SPATS1: variants seen among roughly 807,000 people sequenced by gnomAD.
SPATS1 encodes the protein spermatogenesis-associated serine-rich protein 1.
In SPATS1, 23 loss-of-function variants were observed where a neutral mutation model predicts 33.6. The observed-to-expected ratio is 0.68, with a 90% CI of 0.49 to 0.97. The LOEUF is 0.97. Among genes scored for constraint, SPATS1 ranks in the 50% least tolerant of loss-of-function variants. SPATS1 has a pLI of 0.00. For synonymous variants in SPATS1, 131 were observed against 125.6 expected (o/e 1.04, Z -0.29); for missense variants, 327 against 361.0 (o/e 0.91, Z 0.76).
chr6:44,342,869 C>T, intron 1 of SPATS1, 101 bp downstream of exon 1: 1 of 1,293,256 alleles, frequency 7.7e-7, no homozygotes, highest in Non-Finnish European at 1.1e-6. Context: ...TGGATGGGGG[C>T]TGCAGCGAGC....
intron 2 of SPATS1, among the ~76,000 whole-genome samples, chr6:44,346,989 G>T (rs1260624402): frequency 6.6e-6 from 1 of 152,168 alleles, no homozygotes; most frequent in Non-Finnish European, 1.5e-5. Context: ...GTCCATCAAT[G>T]ATAGACTGGA....
Position 44,361,835 on chromosome 6 carries a change from T to C in SPATS1, c.417T>C (p.Asp139=). 6.2e-7 allele frequency: 1 copy of C among 1,614,232 alleles called. No homozygotes were observed. The highest frequency in any genetic ancestry group is 8.5e-7 in the Non-Finnish European group (1 of 1,180,046). ...AGGCTTTCTGGTGTATTGCAGAAGA[T>C]GGGCATCGTCCTGAGTGGACATTTT... is the stretch of plus-strand genomic sequence containing the variant. ...EFSLLKLQTK[D]GHRPEWTFYP... Residue 139 remains aspartate (D), a synonymous_variant, in exon 5 of 9, where the codon GAT becomes GAC. Coordinates refer to ENST00000674044, the MANE Select transcript of SPATS1 (RefSeq NM_001372081.1).
intron 2 of SPATS1, among the ~76,000 whole-genome samples, chr6:44,344,062 A>T (rs1442379074): frequency 6.6e-6 from 1 of 152,182 alleles, no homozygotes; most frequent in African/African-American, 2.4e-5. Flanking sequence ...GAGCTGGAGG[A>T]GTTAGAGCTA....
At chr6:44,350,807 C>A (rs949555349) in intron 2 of SPATS1, among the ~76,000 whole-genome samples, 1 of 152,138 alleles carries the variant, frequency 6.6e-6, no homozygotes, top group African/African-American at 2.4e-5. Context: ...ATTCGACCAA[C>A]TGCCCATAGT....
At chr6:44,366,447 C>T (rs978594318) in intron 5 of SPATS1, among the ~76,000 whole-genome samples, 1 of 152,070 alleles carries the variant, frequency 6.6e-6, no homozygotes, top group Non-Finnish European at 1.5e-5. Context: ...TCTAGGTGTT[C>T]TCCTTAGACC....
intron 6 of SPATS1, among the ~76,000 whole-genome samples, chr6:44,369,016 C>T (rs985322666): frequency 6.6e-5 from 10 of 151,570 alleles, no homozygotes; most frequent in Admixed American, 6.6e-5. Flanking sequence ...CCTGCCTCAG[C>T]CTCCCGAGTA....
chr6:44,351,046 C>T (rs1788199193), intron 2 of SPATS1, among the ~76,000 whole-genome samples: 1 of 146,438 alleles, frequency 6.8e-6, no homozygotes, highest in East Asian at 2.1e-4. Flanking sequence ...ATCACCTGAA[C>T]CCAGAGGCGG....
chr6:44,343,191 A>G lies in SPATS1; in HGVS notation c.96A>G (p.Pro32=), dbSNP rs762011543. ...GCGGCAGACAGCTGGAGAAGGTTCC[A>G]GAAAAAAGGGACTCTGGCATGACCG... The part of the protein sequence containing the change: ...TTCGRQLEKV[P]EKRDSGMTEV... Residue 32 remains proline, a synonymous_variant, in exon 2 of 9, where the codon CCA becomes CCG. Transcript: ENST00000674044. The G allele has an allele frequency of 1.2e-6, 2 of 1,613,956 alleles. No individual in the cohort carries two copies. Among genetic ancestry groups the G allele is most frequent in the African/African-American group, 1.3e-5 (1 of 74,900 alleles).
chr6:44,357,735 G>C (rs1295843215), intron 3 of SPATS1, among the ~76,000 whole-genome samples: 1 of 152,038 alleles, frequency 6.6e-6, no homozygotes, highest in Admixed American at 6.6e-5. Flanking sequence ...ATGTTTCCCC[G>C]GCTGGTCTCG....
chr6:44,349,636 T>A (rs1425031380), intron 2 of SPATS1, among the ~76,000 whole-genome samples: 1 of 152,232 alleles, frequency 6.6e-6, no homozygotes, highest in Non-Finnish European at 1.5e-5. Context: ...AAAATAACGA[T>A]GCTATTACAA....
intron 7 of SPATS1, among the ~76,000 whole-genome samples, chr6:44,375,635 C>T (rs978856307): frequency 1.3e-5 from 2 of 152,024 alleles, no homozygotes; most frequent in Non-Finnish European, 2.9e-5. Context: ...CATGGTAAAG[C>T]CCCATCTCTA....
chr6:44,345,034 G>A (rs1221257377), intron 2 of SPATS1, among the ~76,000 whole-genome samples: 1 of 152,126 alleles, frequency 6.6e-6, no homozygotes, highest in Non-Finnish European at 1.5e-5. Context: ...TGGGCGTGGA[G>A]AAGTAATTGA....
At chr6:44,366,062 C>T (rs2153368761) in intron 5 of SPATS1, among the ~76,000 whole-genome samples, 2 of 151,816 alleles carry the variant, frequency 1.3e-5, no homozygotes. Context: ...CACACCATTG[C>T]CTCTTTTTCT....
In SPATS1 at chr6:44,368,425, T is replaced by G. The variant is rs1436096232; in HGVS notation, c.621T>G (p.Asn207Lys). Reference sequence around the variant, plus strand: ...TCCCAAAGTTAACTCCAGGCGACAATCCATATATGTACCCAGAACAGAGTA... The same window carrying G: ...TCCCAAAGTTAACTCCAGGCGACAAGCCATATATGTACCCAGAACAGAGTA... ...NGIPKLTPGD[N>K]PYMYPEQSKG... Residue 207 changes from asparagine to lysine, a missense_variant, in exon 6 of 9, where the codon AAT (asparagine) becomes AAG (lysine). By Grantham distance (94) the Asn-to-Lys change is moderately conservative (BLOSUM62 0). Transcript: ENST00000674044. 1 of 1,613,566 alleles carries G rather than the reference T, an allele frequency of 6.2e-7. No individual in the cohort carries two copies. The highest frequency in any genetic ancestry group is 1.3e-5 in the African/African-American group (1 of 74,890).
chr6:44,368,010 G>A (rs1789351766), intron 5 of SPATS1, among the ~76,000 whole-genome samples: 3 of 152,154 alleles, frequency 2.0e-5, no homozygotes, highest in East Asian at 1.9e-4. Context: ...TTGTTTCTTC[G>A]GCTTCCTAAG....
chr6:44,359,385 C>T (rs1317187118), intron 3 of SPATS1, among the ~76,000 whole-genome samples: 1 of 152,168 alleles, frequency 6.6e-6, no homozygotes, highest in Non-Finnish European at 1.5e-5. Context: ...ATGACCATAG[C>T]AATAACTTGC....
Position 44,360,546 on chromosome 6 carries a change from T to C in SPATS1, c.388T>C (p.Phe130Leu), listed in dbSNP as rs752437754. 3.7e-5 allele frequency: 60 copies of C among 1,614,078 alleles called. No individual in the cohort carries two copies. The highest frequency in any genetic ancestry group is 4.7e-5 in the Non-Finnish European group (55 of 1,180,026). ...CCAAAAGGATAAATATCCTGAGGAA[T>C]TCAGCCTGCTTAAGTTGCAGACGAG... Reference protein sequence around the residue: ...EVQKDKYPEEFSLLKLQTKDG... With the variant: ...EVQKDKYPEELSLLKLQTKDG... Residue 130 changes from phenylalanine to leucine, a missense_variant, in exon 4 of 9, where the codon TTC becomes CTC. Physicochemically the swap from Phe to Leu is conservative, Grantham distance 22. Coordinates refer to ENST00000674044, the MANE Select transcript of SPATS1 (RefSeq NM_001372081.1).
At chr6:44,376,252 A>G (rs1196330424) in intron 7 of SPATS1, 106 bp from the exon 8 acceptor site, 3 of 670,574 alleles carry the variant, frequency 4.5e-6, no homozygotes, top group Non-Finnish European at 5.2e-6. Flanking sequence ...CTGGTCTCCT[A>G]AATTGGAGGT....
intron 4 of SPATS1, chr6:44,361,398 A>G (rs1788912443): frequency 6.1e-6 from 6 of 985,406 alleles, no homozygotes; most frequent in Non-Finnish European, 7.2e-6. Context: ...TGCAGCCAAC[A>G]CCATGTTTCC....
Sources: allele counts gnomAD v4.1 joint callset (sites outside exome capture counted in the v4.1 genomes callset), GRCh38; gene constraint gnomAD v4.1.1; transcripts MANE v1.5; gene names NCBI Gene and HGNC (gene_info 2026-07-23, HGNC 2026-07-21).